The following IGSF11 variants were observed in gnomAD, a reference collection of about 807,000 sequenced individuals.
IGSF11 encodes immunoglobulin superfamily member 11.
IGSF11 carries 22 observed loss-of-function variants against 41.0 expected under a neutral mutation model. The ratio of observed to expected loss-of-function variants is 0.54; its 90% CI spans 0.38 to 0.77. IGSF11 has a LOEUF of 0.77. Among genes scored for constraint, IGSF11 ranks in the 30% least tolerant of loss-of-function variants. The probability of loss-of-function intolerance (pLI) is 0.00; values close to 1 mark genes in which losing one functional copy is unlikely to be tolerated. For synonymous variants in IGSF11, 219 were observed against 201.3 expected (o/e 1.09, Z -0.74); for missense variants, 444 against 530.8 (o/e 0.84, Z 1.61).
chr3:119,005,494 A>G lies in IGSF11; in HGVS notation c.52+29037T>C, dbSNP rs1458095251. 7.7e-4 allele frequency among the ~76,000 whole-genome samples: 115 copies of G among 148,514 alleles called. No homozygotes were observed. The East Asian group carries it at 8.9e-3, about 12-fold the overall frequency. ...AGTTAATAGTGTTATGTGTGAATTTAATCCTGTCATTATGATGTTAGCTGG... is the reference window on the plus strand; with the variant it reads ...AGTTAATAGTGTTATGTGTGAATTTGATCCTGTCATTATGATGTTAGCTGG... On this transcript the variant is annotated intron_variant, in intron 1 of 6. Transcript: ENST00000393775.
At chr3:118,935,498 C>A (rs1943204436) in intron 1 of IGSF11, among the ~76,000 whole-genome samples, 1 of 150,540 alleles carries the variant, frequency 6.6e-6, no homozygotes, top group South Asian at 2.1e-4. Flanking sequence ...ACAAACTGCC[C>A]TGAAGAATTT....
chr3:119,087,347 T>A (rs994333289), intron 1 of IGSF11, among the ~76,000 whole-genome samples: 3 of 147,650 alleles, frequency 2.0e-5, no homozygotes, highest in Non-Finnish European at 4.5e-5. Flanking sequence ...CACCAATTAA[T>A]CAACAAGTGA....
intron 1 of IGSF11, among the ~76,000 whole-genome samples, chr3:119,039,859 C>T (rs251449): frequency 0.25 from 37,598 of 152,090 alleles, 5,220 homozygotes; most frequent in Admixed American, 0.36. Flanking sequence ...AAAATTATGA[C>T]GGAGACAGTG....
At chr3:119,107,511 C>A (rs940021794), upstream of IGSF11, among the ~76,000 whole-genome samples, 2 of 151,852 alleles carry the variant, frequency 1.3e-5, no homozygotes, top group Admixed American at 6.6e-5. Context: ...GAGTAGGTTG[C>A]GAAAATTTTC....
At chr3:118,964,889 C>A (rs1245691460) in intron 1 of IGSF11, among the ~76,000 whole-genome samples, 1 of 152,188 alleles carries the variant, frequency 6.6e-6, no homozygotes, top group Non-Finnish European at 1.5e-5. Context: ...ATGGTTCAGA[C>A]TGGAAATATA....
chr3:118,906,316 T>G (rs1373197207), intron 4 of IGSF11, among the ~76,000 whole-genome samples: 1 of 152,028 alleles, frequency 6.6e-6, no homozygotes, highest in African/African-American at 2.4e-5. Context: ...GACTTCGGTG[T>G]AGATCTCACC....
chr3:119,040,754 A>G (rs1186026528), intron 1 of IGSF11, among the ~76,000 whole-genome samples: 1 of 152,226 alleles, frequency 6.6e-6, no homozygotes, highest in Non-Finnish European at 1.5e-5. Flanking sequence ...AATATTTTGA[A>G]TGGATGAATC....
intron 1 of IGSF11, among the ~76,000 whole-genome samples, chr3:119,101,701 C>T (rs1425360852): frequency 6.6e-6 from 1 of 152,150 alleles, no homozygotes; most frequent in Non-Finnish European, 1.5e-5. Context: ...AATCATGTTG[C>T]CATAAACATC....
At chr3:119,098,911 T>G (rs1007779056) in intron 1 of IGSF11, among the ~76,000 whole-genome samples, 4 of 151,848 alleles carry the variant, frequency 2.6e-5, no homozygotes, top group Non-Finnish European at 4.4e-5. Context: ...CTGTCTCACA[T>G]GTTTTCAGAA....
At chr3:118,998,605 C>T (rs1260163935) in intron 1 of IGSF11, among the ~76,000 whole-genome samples, 1 of 151,466 alleles carries the variant, frequency 6.6e-6, no homozygotes, top group African/African-American at 2.4e-5. Flanking sequence ...TTGCAAATAG[C>T]AATTTCAAAT....
chr3:119,088,643 G>A (rs185929814), intron 1 of IGSF11, among the ~76,000 whole-genome samples: 24 of 152,138 alleles, frequency 1.6e-4, no homozygotes, highest in African/African-American at 5.5e-4. Context: ...CCATACAAAA[G>A]ATCAATGGAA....
chr3:118,987,064 A>G (rs1234979589), intron 1 of IGSF11, among the ~76,000 whole-genome samples: 2 of 152,214 alleles, frequency 1.3e-5, no homozygotes, highest in Admixed American at 6.5e-5. Flanking sequence ...TCACAAACAC[A>G]TGGACCAGGA....
Position 119,000,159 on chromosome 3 carries a change from T to C in IGSF11, c.52+34372A>G, listed in dbSNP as rs980354381. Among the ~76,000 whole-genome samples, 5 of 149,350 alleles carry C rather than the reference T, an allele frequency of 3.3e-5. 1 individual carries two copies. Among genetic ancestry groups the C allele is most frequent in the East Asian group, 1.9e-4 (1 of 5,134 alleles). ...TGTCCTCCTACCTCTCTGGCTGCTC[T>C]TCTCAATCTCCTTTGCTGGATTCTA... is the stretch of plus-strand genomic sequence containing the variant. On this transcript the variant is annotated intron_variant, in intron 1 of 6. Coordinates refer to ENST00000393775, the MANE Select transcript of IGSF11 (RefSeq NM_001015887.3).
intron 1 of IGSF11, chr3:118,947,218 A>T (rs1003535490): frequency 1.2e-4 from 19 of 152,170 alleles, no homozygotes; most frequent in African/African-American, 4.3e-4. Flanking sequence ...TACTCTTCAA[A>T]GTTGTCTGTG....
At chr3:118,953,025 T>C (rs570744153) in intron 1 of IGSF11, among the ~76,000 whole-genome samples, 20 of 152,194 alleles carry the variant, frequency 1.3e-4, no homozygotes, top group Non-Finnish European at 2.5e-4. Flanking sequence ...CTGTATCCAG[T>C]ATGTAGTCTT....
chr3:119,036,082 A>G (rs1351419653), upstream of IGSF11, among the ~76,000 whole-genome samples: 2 of 152,216 alleles, frequency 1.3e-5, no homozygotes, highest in Non-Finnish European at 2.9e-5. Context: ...AAATGTGGAT[A>G]TTATATTTTT....
chr3:119,000,810 A>G (rs1159631286), intron 1 of IGSF11, among the ~76,000 whole-genome samples: 1 of 152,084 alleles, frequency 6.6e-6, no homozygotes, highest in African/African-American at 2.4e-5. Flanking sequence ...TGTCCCCTTG[A>G]AGTTGAATCC....
At chr3:118,956,398 A>G (rs896343683) in intron 1 of IGSF11, among the ~76,000 whole-genome samples, 3 of 152,166 alleles carry the variant, frequency 2.0e-5, no homozygotes, top group African/African-American at 2.4e-5. Flanking sequence ...GGCTTTCAAC[A>G]TGCCTTCCTC....
At chr3:118,987,707 TTTGGCAGGCTGCC>T (rs1935396614) in intron 1 of IGSF11, among the ~76,000 whole-genome samples, 2 of 152,342 alleles carry the variant, frequency 1.3e-5, no homozygotes, top group South Asian at 4.1e-4. Flanking sequence ...TGACTTGAGA[TTTGGCAGGCTGCC>T]TTGGCAGGGC....
Sources: allele counts gnomAD v4.1 joint callset (sites outside exome capture counted in the v4.1 genomes callset), GRCh38; gene constraint gnomAD v4.1.1; transcripts MANE v1.5; gene names NCBI Gene and HGNC (gene_info 2026-07-23, HGNC 2026-07-21).